Variants in RPS6KL1 observed in about 807,000 individuals in gnomAD.
The protein encoded by RPS6KL1 is ribosomal protein S6 kinase like 1.
Under a neutral mutation model 57.0 loss-of-function variants are expected in RPS6KL1, and 41 were observed. That is an observed-to-expected ratio of 0.72 (90% confidence interval 0.56 to 0.93). The LOEUF (loss-of-function observed/expected upper bound fraction) is 0.93. Among genes scored for constraint, RPS6KL1 ranks in the 40% least tolerant of loss-of-function variants. The pLI, the probability that RPS6KL1 is intolerant of heterozygous loss-of-function variation, is 0.00. For missense variants in RPS6KL1, 697 were observed against 727.7 expected, an observed-to-expected ratio of 0.96 and a Z score of 0.49; for synonymous variants, 287 against 309.7, an observed-to-expected ratio of 0.93 and a Z score of 0.77.
chr14:74,921,977 C>T lies in RPS6KL1; in HGVS notation c.-21+1G>A, dbSNP rs1887938565. The T allele has an allele frequency of 8.6e-6, 2 of 233,468 alleles. No individual in the cohort carries two copies. The highest frequency in any genetic ancestry group is 1.1e-4 in the Admixed American group (2 of 18,982). 14.5% of individuals were successfully genotyped at this position (233,468 alleles called of 1,614,324 possible). On this transcript the variant is annotated splice_donor_variant, in intron 2 of 11. Coordinates refer to ENST00000557413, the MANE Select transcript of RPS6KL1 (RefSeq NM_031464.5). LOFTEE classifies it low-confidence loss of function (5UTR_SPLICE). ...TATTTGTAGTAGAGACGGGGTTTTA[C>T]CATGTTGGCCAGGCTGGTCTTGAAC...
In RPS6KL1 at chr14:74,905,782, C is replaced by T. The variant is rs192289557; in HGVS notation, c.*1232G>A. On this transcript the variant is annotated 3_prime_UTR_variant, in exon 12 of 12. Transcript: ENST00000557413. ...TGAAGAGCCCGAGGAAGTCAAGTCT[C>T]CCCACCATGAGTGAGGGGTCTGGTC... is the stretch of plus-strand genomic sequence containing the variant. 8.0e-3 allele frequency: 1,221 copies of T among 152,480 alleles called. 7 individuals carry two copies. The highest frequency in any genetic ancestry group is 0.011 in the African/African-American group (468 of 41,554). 9.4% of individuals were successfully genotyped at this position (152,480 alleles called of 1,614,324 possible).
At position 74,905,002 on chromosome 14, in the gene RPS6KL1, A is replaced by AC. The variant is rs1566801815; in HGVS notation, c.*2011_*2012insG. On this transcript the variant is annotated 3_prime_UTR_variant, in exon 12 of 12. Coordinates refer to ENST00000557413, the MANE Select transcript of RPS6KL1 (RefSeq NM_031464.5). ...TCCCAGAGAGTAGAACTAGAGCTCTAGTAGATAGAAAAACAAATTAGGTTG... is the reference window on the plus strand; with the variant it reads ...TCCCAGAGAGTAGAACTAGAGCTCTACGTAGATAGAAAAACAAATTAGGTTG... 6.6e-6 allele frequency: 1 copy of AC among 152,250 alleles called. No individual in the cohort carries two copies. Among genetic ancestry groups the AC allele is most frequent in the Non-Finnish European group, 1.5e-5 (1 of 68,044 alleles). The allele number at this position is 152,250 out of a possible 1,614,324, so 9.4% of individuals were successfully genotyped here.
chr14:74,919,215 C>T (rs375214810), intron 4 of RPS6KL1, among the ~76,000 whole-genome samples: 25 of 152,268 alleles, frequency 1.6e-4, no homozygotes, highest in Middle Eastern at 3.4e-3. Flanking sequence ...AGGGAAGTAA[C>T]CTGGGAACGT....
intron 5 of RPS6KL1, among the ~76,000 whole-genome samples, chr14:74,914,706 T>TC (rs1886560323): frequency 6.6e-6 from 1 of 152,148 alleles, no homozygotes; most frequent in Admixed American, 6.5e-5. Context: ...TGCCTTGACT[T>TC]CTTTGTTTAT....
chr14:74,906,170 T>C lies in RPS6KL1; in HGVS notation c.*844A>G, dbSNP rs906467254. On this transcript the variant is annotated 3_prime_UTR_variant, in exon 12 of 12. Coordinates refer to ENST00000557413, the MANE Select transcript of RPS6KL1 (RefSeq NM_031464.5). ...AGGGAGTCCTGATGGGCACACCTTG[T>C]CTAAACTGCTTTGGCCTGGAAGCTG... 2.0e-5 allele frequency: 5 copies of C among 243,960 alleles called. No individual in the cohort carries two copies. The highest frequency in any genetic ancestry group is 4.9e-5 in the Admixed American group (1 of 20,274). The allele number at this position is 243,960 out of a possible 1,614,324, so 15.1% of individuals were successfully genotyped here. A position where few individuals can be genotyped will look rare whatever the true frequency, so the allele number is the denominator to read the frequency against.
intron 10 of RPS6KL1, among the ~76,000 whole-genome samples, chr14:74,908,133 C>T (rs536760117): frequency 1.2e-4 from 19 of 152,274 alleles, no homozygotes; most frequent in Admixed American, 5.2e-4. Flanking sequence ...TTCGGGACCC[C>T]GTGCCATGGG....
chr14:74,908,368 C>T (rs367681600), intron 10 of RPS6KL1, among the ~76,000 whole-genome samples: 3 of 152,134 alleles, frequency 2.0e-5, no homozygotes, highest in Non-Finnish European at 4.4e-5. Context: ...CACAGGTTCC[C>T]GGAGTGTTTG....
At position 74,906,582 on chromosome 14, in the gene RPS6KL1, C is replaced by T; in HGVS notation, c.*432G>A. On this transcript the variant is annotated 3_prime_UTR_variant, in exon 12 of 12. Transcript: ENST00000557413. ...GACAGTCTGGTTTGGGTCCACTGAG[C>T]CAGTGGATCAGTGTCCTGAGATGAG... The T allele has an allele frequency of 1.9e-6, 1 of 530,388 alleles. No homozygotes were observed. Among genetic ancestry groups the T allele is most frequent in the Non-Finnish European group, 3.9e-6 (1 of 258,742 alleles). 32.9% of individuals were successfully genotyped at this position (530,388 alleles called of 1,614,324 possible).
At position 74,909,105 on chromosome 14, in the gene RPS6KL1, G is replaced by A; in HGVS notation, c.1356C>T (p.Ala452=). The A allele has an allele frequency of 6.2e-7, 1 of 1,614,086 alleles. No individual in the cohort carries two copies. The highest frequency in any genetic ancestry group is 8.5e-7 in the Non-Finnish European group (1 of 1,179,970). The change falls in exon 9 of 12, where the codon GCC becomes GCT. Residue 452 remains alanine, a synonymous_variant. Transcript: ENST00000557413. ...CGEAVDNLYS[A]PEVGGISELT... The stretch of plus-strand genomic sequence containing the variant: ...CCTGGCCTCCCCCCTTCTTGCCTGG[G>A]GCGCTGTAGAGATTGTCCACGGCCT...
At position 74,919,869 on chromosome 14, in the gene RPS6KL1, C is replaced by T. The variant is rs1186872207; in HGVS notation, c.366G>A (p.Leu122=). 4 of 1,613,584 alleles carry T rather than the reference C, an allele frequency of 2.5e-6. No homozygotes were observed. The Admixed American group carries it at 6.7e-5, about 27-fold the overall frequency. The part of the protein sequence containing the change: ...EIFNCHLQRP[L]SSGASPSAGF... ...CCGCGCTGGGGCTGGCTCCACTGCTCAGCGGCCGCTGCAGGTGGCAGTTGA... is the reference window on the plus strand; with the variant it reads ...CCGCGCTGGGGCTGGCTCCACTGCTTAGCGGCCGCTGCAGGTGGCAGTTGA... The change falls in exon 4 of 12, where the codon CTG becomes CTA. Residue 122 remains leucine (L), a synonymous_variant. Coordinates refer to ENST00000557413, the MANE Select transcript of RPS6KL1 (RefSeq NM_031464.5).
chr14:74,921,281 T>C lies in RPS6KL1; in HGVS notation c.261A>G (p.Ile87Met). ...CTGCCCAGCCCCGGTCCTCACCGTG[T>C]ATGCCACGGAGCAGCACGTCCACGC... ...QNGVDVLLRGIHVDPNKERRE... is the reference protein window; with the variant it reads ...QNGVDVLLRGMHVDPNKERRE... The change falls in exon 3 of 12, where the codon ATA (isoleucine) becomes ATG (methionine). Residue 87 changes from isoleucine to methionine, a missense_variant. Transcript: ENST00000557413. The C allele has an allele frequency of 7.0e-7, 1 of 1,430,012 alleles. No homozygotes were observed. Among genetic ancestry groups the C allele is most frequent in the Non-Finnish European group, 9.6e-7 (1 of 1,042,064 alleles). 88.6% of individuals were successfully genotyped at this position (1,430,012 alleles called of 1,614,324 possible).
At chr14:74,908,377 T>C (rs1433472791) in intron 10 of RPS6KL1, among the ~76,000 whole-genome samples, 1 of 152,150 alleles carries the variant, frequency 6.6e-6, no homozygotes, top group African/African-American at 2.4e-5. Context: ...CCGGAGTGTT[T>C]GCAGGGGGAT....
intron 11 of RPS6KL1, 95 bp from the exon 12 acceptor site, chr14:74,907,219 G>T: frequency 7.4e-7 from 1 of 1,360,394 alleles, no homozygotes; most frequent in Non-Finnish European, 1.0e-6. Flanking sequence ...TAGGGGGCCT[G>T]CTCCCTGGCA....
In RPS6KL1 at chr14:74,907,141, A is replaced by G. The variant is rs1594898215; in HGVS notation, c.1540-17T>C. ...CTGCAGCAGCTGCAGAGAGAGGCCC[A>G]GTCAGCTGGGCCACTCCAGCTGTGG... On this transcript the variant is annotated splice_polypyrimidine_tract_variant and intron_variant, in intron 11 of 11. Transcript: ENST00000557413. 5 of 1,594,972 alleles carry G rather than the reference A, an allele frequency of 3.1e-6. No homozygotes were observed. The highest frequency in any genetic ancestry group is 4.3e-6 in the Non-Finnish European group (5 of 1,168,798).
At position 74,907,133 on chromosome 14, in the gene RPS6KL1, A is replaced by AGAG; in HGVS notation, c.1540-12_1540-10dup. The AGAG allele has an allele frequency of 6.2e-7, 1 of 1,602,994 alleles. No individual in the cohort carries two copies. The highest frequency in any genetic ancestry group is 2.2e-5 in the East Asian group (1 of 44,868). On this transcript the variant is annotated splice_polypyrimidine_tract_variant and intron_variant, in intron 11 of 11. Transcript: ENST00000557413. ...GGCTCGAACTGCAGCAGCTGCAGAG[A>AGAG]GAGGCCCAGTCAGCTGGGCCACTCC...
chr14:74,907,642 TA>T, intron 10 of RPS6KL1, 112 bp from the exon 11 acceptor site: 1 of 966,002 alleles, frequency 1.0e-6, no homozygotes, highest in Non-Finnish European at 1.5e-6. Context: ...AGGATGACAA[TA>T]ATGATAGTTG....
intron 5 of RPS6KL1, 87 bp from the exon 6 acceptor site, chr14:74,911,928 C>A: frequency 8.5e-7 from 1 of 1,178,308 alleles, no homozygotes. Flanking sequence ...CAGGTTCCTC[C>A]ACTGAGGCTG....
intron 6 of RPS6KL1, 167 bp from the exon 7 acceptor site, chr14:74,911,547 T>TC (rs1234650937): frequency 1.3e-6 from 1 of 789,948 alleles, no homozygotes; most frequent in Non-Finnish European, 2.0e-6. Flanking sequence ...ATCTGGGTCC[T>TC]CCACCCTCTA....
intron 10 of RPS6KL1, 43 bp from the exon 11 acceptor site, chr14:74,907,573 G>T: frequency 6.5e-7 from 1 of 1,532,038 alleles, no homozygotes; most frequent in South Asian, 1.2e-5. Flanking sequence ...GCAACCCCAG[G>T]ACCGTCTACA....
Sources: allele counts gnomAD v4.1 joint callset (sites outside exome capture counted in the v4.1 genomes callset), GRCh38; gene constraint gnomAD v4.1.1; transcripts MANE v1.5; gene names NCBI Gene and HGNC (gene_info 2026-07-23, HGNC 2026-07-21).